Variants in PTPRD observed in about 807,000 individuals in gnomAD.
PTPRD encodes protein tyrosine phosphatase receptor type D, also known as receptor-type tyrosine-protein phosphatase delta.
Under a neutral mutation model 214.5 loss-of-function variants are expected in PTPRD, and 34 were observed. That is an observed-to-expected ratio of 0.16 (90% CI 0.12 to 0.21). PTPRD has a LOEUF of 0.21. Among genes scored for constraint, PTPRD ranks in the 10% least tolerant of loss-of-function variants. The pLI is 1.00. For missense variants in PTPRD, 2,545 were observed against 2,398.7 expected, an observed-to-expected ratio of 1.06 and a Z score of -1.27; for synonymous variants, 1,128 against 845.7, an observed-to-expected ratio of 1.33 and a Z score of -5.79.
At chr9:9,935,235 C>T (rs907032150) in intron 5 of PTPRD, among the ~76,000 whole-genome samples, 5 of 151,954 alleles carry the variant, frequency 3.3e-5, no homozygotes, top group Non-Finnish European at 7.4e-5. Flanking sequence ...GGCAATCAGG[C>T]AGGAGAAGGA....
At chr9:10,198,514 T>C (rs570494500) in intron 3 of PTPRD, among the ~76,000 whole-genome samples, 157 of 152,204 alleles carry the variant, frequency 1.0e-3, no homozygotes, top group African/African-American at 3.6e-3. Context: ...CACAGGACAT[T>C]TGATGCCTGA....
At chr9:8,912,370 G>A (rs998357178) in intron 11 of PTPRD, among the ~76,000 whole-genome samples, 10 of 152,230 alleles carry the variant, frequency 6.6e-5, no homozygotes, top group African/African-American at 2.2e-4. Flanking sequence ...ATGAACTTCA[G>A]AAACATGAGA....
chr9:9,097,407 T>G (rs576266376), intron 10 of PTPRD, among the ~76,000 whole-genome samples: 1 of 151,606 alleles, frequency 6.6e-6, no homozygotes, highest in African/African-American at 2.4e-5. Context: ...TGGCTCTTTT[T>G]TTTTTTTTCT....
At chr9:10,207,108 A>G (rs1216619029) in intron 3 of PTPRD, among the ~76,000 whole-genome samples, 2 of 152,114 alleles carry the variant, frequency 1.3e-5, no homozygotes, top group African/African-American at 4.8e-5. Context: ...TTCAAACAAG[A>G]TATAGAATAT....
intron 5 of PTPRD, among the ~76,000 whole-genome samples, chr9:9,788,861 A>G (rs894983345): frequency 6.6e-5 from 10 of 152,048 alleles, no homozygotes; most frequent in African/African-American, 2.4e-4. Context: ...CTCTTCTTTC[A>G]TGGTCTTCAT....
chr9:9,372,578 C>T (rs560997361), intron 9 of PTPRD, among the ~76,000 whole-genome samples: 1 of 152,072 alleles, frequency 6.6e-6, no homozygotes, highest in East Asian at 1.9e-4. Flanking sequence ...ATTTGCCAGT[C>T]TGTGTCTTTT....
At chr9:9,775,041 T>C (rs749573909) in intron 5 of PTPRD, among the ~76,000 whole-genome samples, 40 of 152,286 alleles carry the variant, frequency 2.6e-4, no homozygotes, top group Admixed American at 5.9e-4. Context: ...ATGAAGGAAG[T>C]AAGTCCCTCA....
chr9:8,731,599 C>G (rs1167129777), intron 12 of PTPRD, among the ~76,000 whole-genome samples: 1 of 152,172 alleles, frequency 6.6e-6, no homozygotes, highest in African/African-American at 2.4e-5. Context: ...AAGTTATAAT[C>G]TGGATCCTAT....
intron 14 of PTPRD, among the ~76,000 whole-genome samples, chr9:8,602,803 T>C (rs1455671212): frequency 6.6e-6 from 1 of 152,252 alleles, no homozygotes; most frequent in Non-Finnish European, 1.5e-5. Flanking sequence ...CATTTGTATA[T>C]ACACAAAATG....
chr9:9,128,903 T>C (rs2099838287), intron 10 of PTPRD, among the ~76,000 whole-genome samples: 1 of 152,226 alleles, frequency 6.6e-6, no homozygotes, highest in Admixed American at 6.5e-5. Context: ...AAACAAATGT[T>C]AAATGTAACA....
chr9:8,398,718 C>A (rs529743658), intron 36 of PTPRD, among the ~76,000 whole-genome samples: 1 of 152,106 alleles, frequency 6.6e-6, no homozygotes, highest in Non-Finnish European at 1.5e-5. Context: ...AGCATTCTTT[C>A]CCTCAGGGGA....
intron 7 of PTPRD, among the ~76,000 whole-genome samples, chr9:9,670,558 C>T (rs2096808484): frequency 6.6e-6 from 1 of 152,264 alleles, no homozygotes; most frequent in East Asian, 1.9e-4. Flanking sequence ...CATGGCAGCC[C>T]CTCCCATCAC....
intron 3 of PTPRD, among the ~76,000 whole-genome samples, chr9:10,148,000 G>A (rs1053706990): frequency 3.9e-5 from 6 of 152,178 alleles, no homozygotes; most frequent in South Asian, 2.1e-4. Context: ...TTTGATCCAC[G>A]TTTTGTTTCT....
intron 9 of PTPRD, among the ~76,000 whole-genome samples, chr9:9,201,725 A>G (rs1433131431): frequency 2.6e-5 from 4 of 152,206 alleles, no homozygotes; most frequent in African/African-American, 9.6e-5. Context: ...GTTGATTGCA[A>G]AATCTATACA....
chr9:8,764,822 T>C (rs2094609828), intron 11 of PTPRD, among the ~76,000 whole-genome samples: 1 of 150,274 alleles, frequency 6.7e-6, no homozygotes, highest in Non-Finnish European at 1.5e-5. Context: ...ATAATAATAA[T>C]AATAATAATA....
rs115257689 is a variant in PTPRD at position 9,345,052 on chromosome 9, G to A, written c.-203+52397C>T. On this transcript the variant is annotated intron_variant, in intron 9 of 45. Transcript: ENST00000381196. ...TTTGAAGTTGGGAAGTTAAACAACA[G>A]CCTACAAGCAATTACTGATTTTCCA... Among the ~76,000 whole-genome samples the A allele has an allele frequency of 9.4e-3, 1,435 of 152,164 alleles. 24 individuals are homozygous for A. Among genetic ancestry groups the A allele is most frequent in the African/African-American group, 0.033 (1,362 of 41,538 alleles).
At chr9:10,012,834 C>T (rs1197495459) in intron 4 of PTPRD, among the ~76,000 whole-genome samples, 1 of 151,852 alleles carries the variant, frequency 6.6e-6, no homozygotes. Context: ...GGGATAGCTG[C>T]TTAGAAGGTA....
intron 11 of PTPRD, among the ~76,000 whole-genome samples, chr9:8,925,456 C>A (rs2098871008): frequency 1.3e-5 from 2 of 152,002 alleles, no homozygotes; most frequent in Admixed American, 1.3e-4. Flanking sequence ...TAAGACACAG[C>A]TGTGTTTGTT....
intron 4 of PTPRD, among the ~76,000 whole-genome samples, chr9:9,985,218 A>G (rs1355607621): frequency 6.6e-6 from 1 of 152,196 alleles, no homozygotes; most frequent in Non-Finnish European, 1.5e-5. Flanking sequence ...GTCTCTTTCC[A>G]AATTTGTCCT....
Sources: allele counts gnomAD v4.1 joint callset (sites outside exome capture counted in the v4.1 genomes callset), GRCh38; gene constraint gnomAD v4.1.1; transcripts MANE v1.5; gene names NCBI Gene and HGNC (gene_info 2026-07-23, HGNC 2026-07-21).